The following CDH13 variants were observed in gnomAD, a reference collection of about 807,000 sequenced individuals.
CDH13 encodes the protein cadherin-13.
CDH13 carries 24 observed loss-of-function variants against 63.8 expected under a neutral mutation model. The ratio of observed to expected loss-of-function variants is 0.38; its 90% CI spans 0.27 to 0.53. CDH13 has a LOEUF of 0.53. Ranked by LOEUF, CDH13 falls within the 20% of genes least tolerant of loss-of-function variation. The pLI is 0.85. For missense variants in CDH13, 1,049 were observed against 903.1 expected (o/e 1.16, Z -2.07); for synonymous variants, 503 against 355.3 (o/e 1.42, Z -4.67).
At chr16:82,812,778 C>CT (rs1220954162) in intron 1 of CDH13, among the ~76,000 whole-genome samples, 1 of 151,052 alleles carries the variant, frequency 6.6e-6, no homozygotes, top group African/African-American at 2.4e-5. Flanking sequence ...TTTTTTCTTT[C>CT]TTTTTTATTT....
In CDH13 at chr16:83,500,372, TTCTTTCTTC is replaced by T. The variant is rs1598163225; in HGVS notation, c.960+13719_960+13727del. On this transcript the variant is annotated intron_variant, in intron 7 of 13. Coordinates refer to ENST00000567109, the MANE Select transcript of CDH13 (RefSeq NM_001257.5). ...CCTCCTCCTTCTTCCTTCTTCCTTC[TTCTTTCTTC>T]TTCTTCTTCTTCCTCTTCTCCTCCC... Among the ~76,000 whole-genome samples the T allele has an allele frequency of 8.7e-4, 2 of 2,288 alleles. 1 individual carries two copies. The highest frequency in any genetic ancestry group is 0.038 in the Non-Finnish European group (2 of 52). 1.5% of individuals were successfully genotyped at this position (2,288 alleles called of 152,430 possible). A position where few individuals can be genotyped will look rare whatever the true frequency, so the allele number is the denominator to read the frequency against.
chr16:82,858,291 G>A lies in CDH13; in HGVS notation c.46-71G>A, dbSNP rs17740895. ...ACCTCAGCTTGTTTCTAAAAGTTGCGGATTTGGCGAAAGTTAGCAGGGCAA... is the reference window on the plus strand; with the variant it reads ...ACCTCAGCTTGTTTCTAAAAGTTGCAGATTTGGCGAAAGTTAGCAGGGCAA... On this transcript the variant is annotated intron_variant, in intron 1 of 13. Transcript: ENST00000567109. The A allele has an allele frequency of 0.11, 107,342 of 962,458 alleles. 6,622 individuals carry two copies. Among genetic ancestry groups the A allele is most frequent in the Admixed American group, 0.22 (10,664 of 49,336 alleles). The allele number at this position is 962,458 out of a possible 1,614,324, so 59.6% of individuals were successfully genotyped here. A position where few individuals can be genotyped will look rare whatever the true frequency, so the allele number is the denominator to read the frequency against.
intron 10 of CDH13, among the ~76,000 whole-genome samples, chr16:83,704,267 G>A (rs1906679150): frequency 6.6e-6 from 1 of 152,178 alleles, no homozygotes; most frequent in Non-Finnish European, 1.5e-5. Flanking sequence ...AGGTTAGGTT[G>A]TTAAGGCAAG....
chr16:83,630,345 C>A (rs1910667227), intron 8 of CDH13, among the ~76,000 whole-genome samples: 4 of 152,190 alleles, frequency 2.6e-5, no homozygotes, highest in Admixed American at 2.6e-4. Flanking sequence ...AGGACATACC[C>A]ATAACGCAGC....
chr16:83,528,851 T>C (rs2151629764), intron 7 of CDH13, among the ~76,000 whole-genome samples: 1 of 152,302 alleles, frequency 6.6e-6, no homozygotes, highest in South Asian at 2.1e-4. Context: ...CCCATGCCTT[T>C]TTTCTTTGTT....
At chr16:83,467,392 A>G (rs369764123) in intron 6 of CDH13, among the ~76,000 whole-genome samples, 3 of 152,158 alleles carry the variant, frequency 2.0e-5, no homozygotes, top group Admixed American at 6.5e-5. Flanking sequence ...CGGATGTCAC[A>G]CATTCATCTT....
chr16:83,583,843 C>T (rs1318371630), intron 7 of CDH13, among the ~76,000 whole-genome samples: 1 of 151,934 alleles, frequency 6.6e-6, no homozygotes, highest in Admixed American at 6.6e-5. Flanking sequence ...CTTGAGCCCA[C>T]GAGGGAGAGG....
chr16:82,908,086 T>C (rs2041706801), intron 2 of CDH13, among the ~76,000 whole-genome samples: 1 of 152,150 alleles, frequency 6.6e-6, no homozygotes, highest in Admixed American at 6.5e-5. Flanking sequence ...ATTATTTTAT[T>C]GGACCACACT....
chr16:82,997,913 C>G lies in CDH13; in HGVS notation c.158-34097C>G, dbSNP rs139583650. The stretch of plus-strand genomic sequence containing the variant: ...TAAGGTGAATCTGATACTAGTAGAA[C>G]TCTAAGAATGTGCATTTATTAAGTC... On this transcript the variant is annotated intron_variant, in intron 2 of 13. Transcript: ENST00000567109. Among the ~76,000 whole-genome samples, 145 of 152,298 alleles carry G rather than the reference C, an allele frequency of 9.5e-4. 1 individual carries two copies. The highest frequency in any genetic ancestry group is 3.4e-3 in the African/African-American group (140 of 41,564).
chr16:82,759,735 A>G (rs577847036), intron 1 of CDH13, among the ~76,000 whole-genome samples: 8 of 152,214 alleles, frequency 5.3e-5, no homozygotes, highest in South Asian at 2.1e-4. Context: ...AAAAGAATAG[A>G]GAATGGTCTA....
intron 2 of CDH13, among the ~76,000 whole-genome samples, chr16:83,014,432 C>G (rs558100549): frequency 2.3e-4 from 34 of 151,026 alleles, no homozygotes; most frequent in African/African-American, 8.0e-4. Context: ...TGTATAAAAG[C>G]CAGGTATAAA....
At chr16:82,876,583 T>G (rs1230635018) in intron 2 of CDH13, among the ~76,000 whole-genome samples, 1 of 152,222 alleles carries the variant, frequency 6.6e-6, no homozygotes, top group African/African-American at 2.4e-5. Context: ...ACTTCTGTAC[T>G]CGTCATGGGC....
At chr16:83,670,996 T>C in intron 9 of CDH13, 24 bp downstream of exon 9, 1 of 1,558,924 alleles carries the variant, frequency 6.4e-7, no homozygotes, top group Non-Finnish European at 8.7e-7. Context: ...CAATTGCCTC[T>C]TTCTCCTCAT....
At chr16:82,804,004 C>T (rs2037008182) in intron 1 of CDH13, among the ~76,000 whole-genome samples, 2 of 152,046 alleles carry the variant, frequency 1.3e-5, no homozygotes, top group East Asian at 1.9e-4. Flanking sequence ...CTGAGGTGGG[C>T]AGATCACGAG....
At chr16:83,559,767 T>C (rs576998290) in intron 7 of CDH13, among the ~76,000 whole-genome samples, 48 of 152,154 alleles carry the variant, frequency 3.2e-4, no homozygotes, top group Admixed American at 6.5e-4. Context: ...GCAACTTTCT[T>C]ACTGTCACAA....
intron 3 of CDH13, among the ~76,000 whole-genome samples, chr16:83,079,365 C>G (rs1392284891): frequency 6.6e-6 from 1 of 152,158 alleles, no homozygotes; most frequent in African/African-American, 2.4e-5. Context: ...AACTTTGCCT[C>G]TGACACAAAA....
chr16:83,039,898 A>G (rs980967275), intron 3 of CDH13, among the ~76,000 whole-genome samples: 3 of 152,130 alleles, frequency 2.0e-5, no homozygotes, highest in African/African-American at 7.2e-5. Context: ...CTTCAGAACC[A>G]GCCAAGATTT....
chr16:83,113,846 CTT>C (rs1278214866), intron 3 of CDH13, among the ~76,000 whole-genome samples: 1 of 152,156 alleles, frequency 6.6e-6, no homozygotes, highest in Non-Finnish European at 1.5e-5. Context: ...AGTGATAGCA[CTT>C]GAGGTCAGAG....
chr16:82,886,526 G>C (rs1462787266), intron 2 of CDH13, among the ~76,000 whole-genome samples: 1 of 146,998 alleles, frequency 6.8e-6, no homozygotes, highest in Non-Finnish European at 1.5e-5. Context: ...ATTCATTTCT[G>C]TTTCTTAAAA....
Sources: allele counts gnomAD v4.1 joint callset (sites outside exome capture counted in the v4.1 genomes callset), GRCh38; gene constraint gnomAD v4.1.1; transcripts MANE v1.5; gene names NCBI Gene and HGNC (gene_info 2026-07-23, HGNC 2026-07-21).